The following PLSCR2 variants were observed in gnomAD, a reference collection of about 807,000 sequenced individuals.
PLSCR2 encodes PL scramblase 2.
In PLSCR2, 18 loss-of-function variants were observed where a neutral mutation model predicts 25.3. The observed-to-expected ratio is 0.71, with a 90% CI of 0.49 to 1.06. PLSCR2 has a LOEUF of 1.06. PLSCR2 is among the 50% of genes least tolerant of loss of function. The probability of loss-of-function intolerance (pLI) is 0.00; values close to 1 mark genes in which losing one functional copy is unlikely to be tolerated. For missense variants in PLSCR2, 243 were observed against 269.5 expected, an observed-to-expected ratio of 0.90 and a Z score of 0.69; for synonymous variants, 88 against 87.3, an observed-to-expected ratio of 1.01 and a Z score of -0.04.
At chr3:146,473,807 CG>C in intron 1 of PLSCR2, among the ~76,000 whole-genome samples, 1 of 152,244 alleles carries the variant, frequency 6.6e-6, no homozygotes, top group East Asian at 1.9e-4. Context: ...ATATTTGGAA[CG>C]GGGCTTGAGA....
At chr3:146,434,898 T>G (rs1312630759) in intron 8 of PLSCR2, among the ~76,000 whole-genome samples, 3 of 151,474 alleles carry the variant, frequency 2.0e-5, no homozygotes, top group Non-Finnish European at 4.4e-5. Context: ...ATTAGGTACA[T>G]CCCCTAATGC....
chr3:146,458,503 A>T, intron 2 of PLSCR2, 50 bp from the exon 3 acceptor site: 1 of 1,235,094 alleles, frequency 8.1e-7, no homozygotes, highest in Non-Finnish European at 1.1e-6. Context: ...TTTTATAGAG[A>T]ACTAATTACT....
chr3:146,494,051 G>T (rs1017036681), intron 1 of PLSCR2, among the ~76,000 whole-genome samples: 1 of 152,022 alleles, frequency 6.6e-6, no homozygotes, highest in South Asian at 2.1e-4. Flanking sequence ...AGAACAAGTT[G>T]AAATTCCACA....
chr3:146,395,647 G>C (rs1415184377), intron 3 of PLSCR2: 1 of 157,030 alleles, frequency 6.4e-6, no homozygotes, highest in Non-Finnish European at 1.4e-5. Flanking sequence ...AGGATGGCCA[G>C]AAAGGCACAA....
chr3:146,427,969 T>C (rs1257623024), intron 2 of PLSCR2, among the ~76,000 whole-genome samples: 1 of 152,178 alleles, frequency 6.6e-6, no homozygotes, highest in Non-Finnish European at 1.5e-5. Context: ...TCAGTTCTCA[T>C]GGAATAAATG....
At chr3:146,474,247 A>G (rs1015425558) in intron 1 of PLSCR2, among the ~76,000 whole-genome samples, 3 of 152,174 alleles carry the variant, frequency 2.0e-5, no homozygotes, top group African/African-American at 7.2e-5. Flanking sequence ...TACTCAAAAC[A>G]TGCTATCTTT....
chr3:146,425,729 C>T (rs2039320554), intron 2 of PLSCR2, among the ~76,000 whole-genome samples: 1 of 151,970 alleles, frequency 6.6e-6, no homozygotes, highest in Non-Finnish European at 1.5e-5. Context: ...AAAATAAGTA[C>T]TATTTTAAAT....
At chr3:146,404,821 A>AAAGGCG in intron 2 of PLSCR2, among the ~76,000 whole-genome samples, 1 of 124,746 alleles carries the variant, frequency 8.0e-6, no homozygotes, top group Non-Finnish European at 1.7e-5. Flanking sequence ...AAAAAAAAAA[A>AAAGGCG]GGGGGGGGGT....
intron 2 of PLSCR2, among the ~76,000 whole-genome samples, chr3:146,427,595 G>T (rs904223363): frequency 6.6e-6 from 1 of 152,164 alleles, no homozygotes; most frequent in Non-Finnish European, 1.5e-5. Context: ...GCAGAGGACC[G>T]ATGTGAACTC....
intron 1 of PLSCR2, chr3:146,494,490 T>A (rs1202341064): frequency 6.6e-6 from 1 of 152,202 alleles, no homozygotes; most frequent in Non-Finnish European, 1.5e-5. Flanking sequence ...TATAACTATA[T>A]TGATTTTTAA....
intron 2 of PLSCR2, among the ~76,000 whole-genome samples, chr3:146,408,241 A>C (rs564452413): frequency 1.4e-3 from 219 of 152,182 alleles, no homozygotes; most frequent in African/African-American, 5.0e-3. Flanking sequence ...CCACTGGGCA[A>C]CTCTAGGGTC....
chr3:146,474,909 T>A (rs2042234377), intron 1 of PLSCR2, among the ~76,000 whole-genome samples: 1 of 151,746 alleles, frequency 6.6e-6, no homozygotes, highest in Non-Finnish European at 1.5e-5. Context: ...TCTGATATCC[T>A]TTCTTCTGCT....
chr3:146,435,961 G>A (rs1440874051), intron 8 of PLSCR2, among the ~76,000 whole-genome samples: 1 of 152,174 alleles, frequency 6.6e-6, no homozygotes, highest in Admixed American at 6.5e-5. Context: ...AAGGTGTAAG[G>A]AAGGGATGCA....
chr3:146,394,616 T>G (rs2038211780), intron 3 of PLSCR2, among the ~76,000 whole-genome samples: 1 of 152,226 alleles, frequency 6.6e-6, no homozygotes, highest in Non-Finnish European at 1.5e-5. Flanking sequence ...GGTTTACAAA[T>G]AATGTCATTT....
At chr3:146,485,711 T>A (rs950971597) in intron 1 of PLSCR2, among the ~76,000 whole-genome samples, 3 of 152,104 alleles carry the variant, frequency 2.0e-5, no homozygotes, top group African/African-American at 7.2e-5. Flanking sequence ...CCTGGGTAAA[T>A]GTATTCATCT....
At chr3:146,491,706 G>T (rs2043558077) in intron 1 of PLSCR2, among the ~76,000 whole-genome samples, 2 of 151,980 alleles carry the variant, frequency 1.3e-5, no homozygotes, top group Admixed American at 1.3e-4. Flanking sequence ...AAGCTATTTT[G>T]GTGCTTCCTT....
intron 2 of PLSCR2, among the ~76,000 whole-genome samples, chr3:146,423,751 A>C (rs946246930): frequency 1.6e-4 from 25 of 152,076 alleles, no homozygotes; most frequent in Admixed American, 1.5e-3. Context: ...AAGTCAGAGA[A>C]TGGAGATGTT....
intron 3 of PLSCR2, among the ~76,000 whole-genome samples, chr3:146,456,300 C>T (rs531679184): frequency 1.3e-5 from 2 of 152,024 alleles, no homozygotes; most frequent in African/African-American, 4.8e-5. Context: ...ATGAATTGTC[C>T]CACTATCCAC....
upstream of PLSCR2, among the ~76,000 whole-genome samples, chr3:146,464,164 G>GCAGTAA (rs2041754838): frequency 6.6e-6 from 1 of 152,136 alleles, no homozygotes; most frequent in Non-Finnish European, 1.5e-5. Flanking sequence ...TAATCTATAA[G>GCAGTAA]GTGAACAATA....
Sources: gnomAD v4.1 joint callset for allele counts (sites outside exome capture counted in the v4.1 genomes callset) on GRCh38, gnomAD v4.1.1 for gene constraint, MANE v1.5 for transcripts, NCBI Gene and HGNC (gene_info 2026-07-23, HGNC 2026-07-21) for gene names.